The following ARHGAP21 variants were observed in gnomAD, a reference collection of about 807,000 sequenced individuals.
ARHGAP21 encodes the protein rho GTPase-activating protein 21.
A neutral mutation model predicts 164.6 loss-of-function variants in ARHGAP21; 38 were observed. The ratio of observed to expected loss-of-function variants is 0.23; its 90% CI spans 0.18 to 0.30. ARHGAP21 has a LOEUF of 0.30. ARHGAP21 is among the 10% of genes least tolerant of loss of function. ARHGAP21 has a pLI of 1.00. For missense variants in ARHGAP21, 1,822 were observed against 2,370.7 expected (o/e 0.77, Z 4.81); for synonymous variants, 766 against 857.9 (o/e 0.89, Z 1.87).
At chr10:24,607,688 T>TTCTA in intron 10 of ARHGAP21, 57 bp downstream of exon 10, 4 of 1,610,692 alleles carry the variant, frequency 2.5e-6, no homozygotes, top group Non-Finnish European at 3.4e-6. Flanking sequence ...TATCATACTA[T>TTCTA]TCTAAGTGGA....
At chr10:24,612,954 G>A (rs1161070337) in intron 9 of ARHGAP21, among the ~76,000 whole-genome samples, 3 of 152,168 alleles carry the variant, frequency 2.0e-5, no homozygotes, top group African/African-American at 7.2e-5. Flanking sequence ...ATCAAAGGAG[G>A]TGAACGGCTA....
In ARHGAP21 at chr10:24,621,369, C is replaced by A; in HGVS notation, c.526G>T (p.Ala176Ser). ...LQFTKDVTAL[A>S]YSQDAYLKGN... is the part of the protein sequence containing the mutation. ...TTCAGGTAGGCATCTTGAGAATATGCCTGTATAGAAATGAGAGGAAGGTGT... is the reference window on the plus strand; with the variant it reads ...TTCAGGTAGGCATCTTGAGAATATGACTGTATAGAAATGAGAGGAAGGTGT... Residue 176 changes from alanine (A) to serine (S), a missense_variant and splice_region_variant, in exon 9 of 26, where the codon GCA (alanine) becomes TCA (serine). Coordinates refer to ENST00000396432, the MANE Select transcript of ARHGAP21 (RefSeq NM_020824.4). 2 of 1,587,522 alleles carry A rather than the reference C, an allele frequency of 1.3e-6. No homozygotes were observed. The highest frequency in any genetic ancestry group is 1.1e-5 in the South Asian group (1 of 87,274).
intron 4 of ARHGAP21, chr10:24,640,307 T>TAAGA (rs1836869144): frequency 6.6e-6 from 1 of 150,896 alleles, no homozygotes; most frequent in Non-Finnish European, 1.5e-5. Flanking sequence ...TATATATATA[T>TAAGA]AAGAAAGAAA....
At chr10:24,682,381 T>C (rs1488341583) in intron 2 of ARHGAP21, among the ~76,000 whole-genome samples, 2 of 152,378 alleles carry the variant, frequency 1.3e-5, no homozygotes, top group Non-Finnish European at 1.5e-5. Context: ...TTTCTCTATA[T>C]GCCATGAATA....
chr10:24,649,273 G>C (rs1837915186), intron 4 of ARHGAP21, among the ~76,000 whole-genome samples: 1 of 152,134 alleles, frequency 6.6e-6, no homozygotes, highest in African/African-American at 2.4e-5. Flanking sequence ...CTAGCTGCTA[G>C]AAAATTATAT....
chr10:24,674,359 C>A (rs1398202115), intron 2 of ARHGAP21, among the ~76,000 whole-genome samples: 1 of 152,200 alleles, frequency 6.6e-6, no homozygotes, highest in Non-Finnish European at 1.5e-5. Flanking sequence ...CATGGTGAAA[C>A]CCCGTCTCTA....
At chr10:24,675,078 T>G (rs1288010665) in intron 2 of ARHGAP21, among the ~76,000 whole-genome samples, 1 of 152,152 alleles carries the variant, frequency 6.6e-6, no homozygotes, top group Non-Finnish European at 1.5e-5. Flanking sequence ...ATTCTACTCA[T>G]AGAGAAATTG....
chr10:24,607,582 G>T lies in ARHGAP21; in HGVS notation c.2601C>A (p.Ser867Arg), dbSNP rs1452330971. Residue 867 changes from serine to arginine, a missense_variant, in exon 11 of 26, where the codon AGC becomes AGA. Physicochemically the swap from Ser to Arg is moderately radical, Grantham distance 110. Transcript: ENST00000396432. ...TCTTTGAGTTGGGCTGAGCATCCAG[G>T]CTAGGAGGGCCAACAGATTCTGTAA... ...SHDHESVGPP[S>R]LDAQPNSKTE... 1 of 1,614,014 alleles carries T rather than the reference G, an allele frequency of 6.2e-7. No homozygotes were observed.
intron 9 of ARHGAP21, among the ~76,000 whole-genome samples, chr10:24,614,723 C>CA (rs2077402578): frequency 7.0e-6 from 1 of 143,614 alleles, no homozygotes; most frequent in Non-Finnish European, 1.5e-5. Context: ...GCAGAGGTTG[C>CA]AGTGAGCCGA....
intron 4 of ARHGAP21, among the ~76,000 whole-genome samples, chr10:24,666,191 G>A (rs989295455): frequency 1.3e-4 from 20 of 151,912 alleles, no homozygotes; most frequent in Non-Finnish European, 2.2e-4. Context: ...CACCACACCC[G>A]GCTAATATTT....
chr10:24,621,415 A>T (rs1193681585), intron 8 of ARHGAP21, 46 bp from the exon 9 acceptor site: 1 of 1,466,928 alleles, frequency 6.8e-7, no homozygotes, highest in South Asian at 1.4e-5. Context: ...TCATAAAAAG[A>T]ATAATAATTT....
intron 21 of ARHGAP21, among the ~76,000 whole-genome samples, chr10:24,593,497 A>G (rs1372195119): frequency 6.6e-6 from 1 of 152,056 alleles, no homozygotes; most frequent in Non-Finnish European, 1.5e-5. Flanking sequence ...ACACCGTAAT[A>G]TTTTATCTGG....
At chr10:24,687,665 T>A (rs1157733537) in intron 2 of ARHGAP21, among the ~76,000 whole-genome samples, 1 of 152,228 alleles carries the variant, frequency 6.6e-6, no homozygotes, top group African/African-American at 2.4e-5. Context: ...AGGAACAGAT[T>A]GCATTTCTGT....
chr10:24,602,351 A>T (rs1050468425), intron 12 of ARHGAP21, among the ~76,000 whole-genome samples: 1 of 152,234 alleles, frequency 6.6e-6, no homozygotes, highest in African/African-American at 2.4e-5. Context: ...TTAGTGAAAA[A>T]TGAGAAAATG....
chr10:24,592,027 G>A lies in ARHGAP21; in HGVS notation c.3877-15C>T, dbSNP rs2076351277. The A allele has an allele frequency of 2.6e-6, 4 of 1,553,044 alleles. No homozygotes were observed. The highest frequency in any genetic ancestry group is 4.0e-5 in the Admixed American group (2 of 50,528). ...CTTGGTTCCATCTGAAAGAAAGGATGATACTGGGAAATACCAGAATTTTTC... is the reference window on the plus strand; with the variant it reads ...CTTGGTTCCATCTGAAAGAAAGGATAATACTGGGAAATACCAGAATTTTTC... On this transcript the variant is annotated splice_polypyrimidine_tract_variant and intron_variant, in intron 21 of 25. Transcript: ENST00000396432.
rs558042548 is a variant in ARHGAP21 at position 24,651,704 on chromosome 10, T to TA, written c.268+15280dup. Among the ~76,000 whole-genome samples, 150 of 152,258 alleles carry TA rather than the reference T, an allele frequency of 9.9e-4. 1 individual carries two copies. Among genetic ancestry groups the TA allele is most frequent in the African/African-American group, 3.6e-3 (148 of 41,574 alleles). The stretch of plus-strand genomic sequence containing the variant: ...ACTTTATCAACATGATCTACTACAT[T>TA]AAGTGATTAAGGAAGAAAAATCCAA... On this transcript the variant is annotated intron_variant, in intron 4 of 25. Coordinates refer to ENST00000396432, the MANE Select transcript of ARHGAP21 (RefSeq NM_020824.4).
intron 25 of ARHGAP21, among the ~76,000 whole-genome samples, chr10:24,589,013 T>A (rs1233748008): frequency 6.6e-6 from 1 of 152,174 alleles, no homozygotes; most frequent in East Asian, 1.9e-4. Context: ...GACCTAATTT[T>A]CACATTAAAG....
intron 11 of ARHGAP21, among the ~76,000 whole-genome samples, chr10:24,606,840 A>G (rs1382101513): frequency 2.6e-5 from 4 of 152,222 alleles, no homozygotes; most frequent in Admixed American, 2.6e-4. Flanking sequence ...AAATGTCTCA[A>G]AAATAAATAA....
Position 24,682,166 on chromosome 10 carries a change from C to T in ARHGAP21, c.64-11769G>A, listed in dbSNP as rs190201631. On this transcript the variant is annotated intron_variant, in intron 2 of 25. Transcript: ENST00000396432. ...GATACATAAAGGCTTATATCAAAAA[C>T]GTATTGTGATACCACTTTTGAGATA... Among the ~76,000 whole-genome samples the T allele has an allele frequency of 5.3e-5, 8 of 149,820 alleles. No individual in the cohort carries two copies. The East Asian group carries it at 1.6e-3, about 29-fold the overall frequency.
Sources: allele counts gnomAD v4.1 joint callset (sites outside exome capture counted in the v4.1 genomes callset), GRCh38; gene constraint gnomAD v4.1.1; transcripts MANE v1.5; gene names NCBI Gene and HGNC (gene_info 2026-07-23, HGNC 2026-07-21).